The following DGKB variants were observed in gnomAD, a reference collection of about 807,000 sequenced individuals.
The protein encoded by DGKB is 90 kDa diacylglycerol kinase.
DGKB carries 67 observed loss-of-function variants against 114.3 expected under a neutral mutation model. The ratio of observed to expected loss-of-function variants is 0.59; its 90% CI spans 0.48 to 0.72. The LOEUF (loss-of-function observed/expected upper bound fraction) is 0.72. DGKB is among the 30% of genes least tolerant of loss of function. DGKB has a pLI of 0.00. For synonymous variants in DGKB, 398 were observed against 323.1 expected (o/e 1.23, Z -2.49); for missense variants, 907 against 975.2 (o/e 0.93, Z 0.93).
intron 1 of DGKB, among the ~76,000 whole-genome samples, chr7:14,891,612 A>T (rs1781237790): frequency 6.6e-6 from 1 of 151,488 alleles, no homozygotes; most frequent in Admixed American, 6.6e-5. Flanking sequence ...CAAGGGATAC[A>T]GAGAAGGTTG....
At chr7:14,732,602 T>C (rs1431488373) in intron 5 of DGKB, among the ~76,000 whole-genome samples, 1 of 152,112 alleles carries the variant, frequency 6.6e-6, no homozygotes, top group Non-Finnish European at 1.5e-5. Context: ...CAAGACACTA[T>C]GTACTTAGTT....
chr7:14,622,675 A>G (rs73059497), intron 14 of DGKB, among the ~76,000 whole-genome samples: 40,148 of 152,000 alleles, frequency 0.26, 6,221 homozygotes, highest in East Asian at 0.69. Flanking sequence ...GGATTATTGT[A>G]ACTATCACCT....
At chr7:14,172,970 A>G (rs1781229440) in intron 25 of DGKB, among the ~76,000 whole-genome samples, 1 of 152,020 alleles carries the variant, frequency 6.6e-6, no homozygotes, top group Non-Finnish European at 1.5e-5. Flanking sequence ...AATAAAATAG[A>G]CTCTGGAGTC....
intron 21 of DGKB, among the ~76,000 whole-genome samples, chr7:14,402,179 AT>A (rs1355186698): frequency 6.6e-6 from 1 of 151,730 alleles, no homozygotes; most frequent in Non-Finnish European, 1.5e-5. Context: ...CTCAATCCTT[AT>A]TTTTTAAAAG....
intron 21 of DGKB, among the ~76,000 whole-genome samples, chr7:14,380,343 AG>A (rs1819238405): frequency 6.6e-6 from 1 of 152,102 alleles, no homozygotes; most frequent in Non-Finnish European, 1.5e-5. Context: ...TGAAGAAAAG[AG>A]GATGAAAAGT....
intron 1 of DGKB, among the ~76,000 whole-genome samples, chr7:14,926,136 T>G (rs939218676): frequency 6.6e-6 from 1 of 152,074 alleles, no homozygotes; most frequent in Non-Finnish European, 1.5e-5. Flanking sequence ...TTTGCATCTA[T>G]TAATATAATC....
intron 21 of DGKB, among the ~76,000 whole-genome samples, chr7:14,463,328 C>T (rs1397434445): frequency 6.6e-6 from 1 of 152,130 alleles, no homozygotes; most frequent in East Asian, 1.9e-4. Flanking sequence ...ACTACCGTGG[C>T]ACATGTATAC....
Position 14,803,842 on chromosome 7 carries a change from T to C in DGKB, c.70+37352A>G, listed in dbSNP as rs146021987. ...ATATGCTTAATACAAATAATCAATATAATTTTCAACGAAGTCTAACGTAGC... is the reference window on the plus strand; with the variant it reads ...ATATGCTTAATACAAATAATCAATACAATTTTCAACGAAGTCTAACGTAGC... On this transcript the variant is annotated intron_variant, in intron 2 of 25. Transcript: ENST00000402815. Among the ~76,000 whole-genome samples, 95 of 152,254 alleles carry C rather than the reference T, an allele frequency of 6.2e-4. 1 individual carries two copies. The highest frequency in any genetic ancestry group is 2.3e-3 in the African/African-American group (95 of 41,580).
intron 23 of DGKB, among the ~76,000 whole-genome samples, chr7:14,222,760 G>T (rs1026754250): frequency 1.5e-4 from 22 of 151,408 alleles, no homozygotes; most frequent in African/African-American, 5.1e-4. Context: ...GGATATAGAA[G>T]TCTCCAGTTA....
intron 17 of DGKB, among the ~76,000 whole-genome samples, chr7:14,592,555 C>T (rs982467752): frequency 6.6e-6 from 1 of 151,790 alleles, no homozygotes; most frequent in African/African-American, 2.4e-5. Context: ...GTTTTTGAAA[C>T]AATATTTATG....
intron 1 of DGKB, among the ~76,000 whole-genome samples, chr7:14,951,489 G>A (rs930984865): frequency 6.6e-6 from 1 of 152,008 alleles, no homozygotes; most frequent in Non-Finnish European, 1.5e-5. Context: ...GGTTGCAGAG[G>A]TTTGGGGATA....
chr7:14,624,397 TG>T (rs933020811), intron 14 of DGKB, among the ~76,000 whole-genome samples: 3 of 152,210 alleles, frequency 2.0e-5, no homozygotes, highest in Non-Finnish European at 4.4e-5. Flanking sequence ...TGCTTACACT[TG>T]AAGAATTAAA....
intron 20 of DGKB, among the ~76,000 whole-genome samples, chr7:14,485,302 T>C (rs1358522903): frequency 4.1e-5 from 2 of 49,182 alleles, no homozygotes. Flanking sequence ...GCTCATGAGG[T>C]GTGTGTGTGT....
intron 2 of DGKB, among the ~76,000 whole-genome samples, chr7:14,804,675 G>A (rs1002039024): frequency 1.3e-4 from 20 of 151,896 alleles, no homozygotes; most frequent in African/African-American, 4.6e-4. Flanking sequence ...AACTATTGTT[G>A]GTATCTGTTA....
intron 9 of DGKB, among the ~76,000 whole-genome samples, chr7:14,692,055 T>A (rs1020767473): frequency 2.0e-5 from 3 of 152,108 alleles, no homozygotes; most frequent in Non-Finnish European, 4.4e-5. Flanking sequence ...TATATTGGTT[T>A]AAAATACTTT....
At chr7:14,747,430 TG>T (rs1437702175) in intron 4 of DGKB, among the ~76,000 whole-genome samples, 1 of 152,088 alleles carries the variant, frequency 6.6e-6, no homozygotes, top group East Asian at 1.9e-4. Flanking sequence ...ATGTGTTTCC[TG>T]GTTAACCCGT....
intron 1 of DGKB, among the ~76,000 whole-genome samples, chr7:14,888,079 G>A (rs1233069337): frequency 6.6e-6 from 1 of 151,714 alleles, no homozygotes; most frequent in Non-Finnish European, 1.5e-5. Flanking sequence ...AAGGAGGACA[G>A]AGTTGCAACA....
intron 5 of DGKB, among the ~76,000 whole-genome samples, chr7:14,732,560 G>GA (rs202114310): frequency 1.9e-3 from 287 of 149,658 alleles, no homozygotes; most frequent in Middle Eastern, 6.9e-3. Flanking sequence ...AGGTGGGTCT[G>GA]AAAAAAAAAT....
At chr7:14,569,142 A>G (rs1401376896) in intron 20 of DGKB, among the ~76,000 whole-genome samples, 2 of 152,200 alleles carry the variant, frequency 1.3e-5, no homozygotes, top group African/African-American at 4.8e-5. Context: ...AATGACATTC[A>G]AGGTAGAAGA....
Sources: allele counts gnomAD v4.1 joint callset (sites outside exome capture counted in the v4.1 genomes callset), GRCh38; gene constraint gnomAD v4.1.1; transcripts MANE v1.5; gene names NCBI Gene and HGNC (gene_info 2026-07-23, HGNC 2026-07-21).